The following BTN2A1 variants were observed in gnomAD, a reference collection of about 807,000 sequenced individuals.
BTN2A1 encodes the protein butyrophilin, subfamily 2, member A1.
In BTN2A1, 41 loss-of-function variants were observed where a neutral mutation model predicts 34.5. The observed-to-expected ratio is 1.19, with a 90% confidence interval of 0.93 to 1.54. The LOEUF (loss-of-function observed/expected upper bound fraction) is 1.54. Ranked by LOEUF, BTN2A1 falls within the 40% of genes most tolerant of loss-of-function variation. The pLI is 0.00. For missense variants in BTN2A1, 642 were observed against 662.0 expected, an observed-to-expected ratio of 0.97 and a Z score of 0.33; for synonymous variants, 267 against 258.6, an observed-to-expected ratio of 1.03 and a Z score of -0.31.
intron 7 of BTN2A1, chr6:26,467,730 T>C: frequency 3.1e-6 from 5 of 1,593,242 alleles, no homozygotes; most frequent in Non-Finnish European, 4.3e-6. Context: ...GCTCCAATTC[T>C]TCTCAAACTG....
chr6:26,474,818 C>T (rs1335533283), intron 7 of BTN2A1, among the ~76,000 whole-genome samples: 7 of 149,930 alleles, frequency 4.7e-5, no homozygotes, highest in South Asian at 4.2e-4. Context: ...GACACAATCT[C>T]GGCTCACTGC....
chr6:26,473,711 A>G (rs1763488422), downstream of BTN2A1, among the ~76,000 whole-genome samples: 1 of 152,186 alleles, frequency 6.6e-6, no homozygotes, highest in South Asian at 2.1e-4. Flanking sequence ...AGTTCTCCTG[A>G]TATTTCTGTT....
At chr6:26,466,398 C>G (rs1763318546) in intron 7 of BTN2A1, among the ~76,000 whole-genome samples, 2 of 152,126 alleles carry the variant, frequency 1.3e-5, no homozygotes, top group South Asian at 4.1e-4. Flanking sequence ...AGTTGTTGTT[C>G]TTTGATCCTG....
chr6:26,459,947 C>CCACAGGGACACTT, intron 3 of BTN2A1, 119 bp downstream of exon 3: 1 of 89,684 alleles, frequency 1.1e-5, no homozygotes, highest in Non-Finnish European at 2.0e-5. Context: ...CTTTTCCACT[C>CCACAGGGACACTT]TCCCTGTGGA....
chr6:26,465,988 T>G lies in BTN2A1; in HGVS notation c.955+15T>G, dbSNP rs536955053. 1.9e-5 allele frequency: 30 copies of G among 1,614,118 alleles called. No homozygotes were observed. Among genetic ancestry groups the G allele is most frequent in the Middle Eastern group, 1.6e-4 (1 of 6,082 alleles). On this transcript the variant is annotated intron_variant, in intron 6 of 7. Transcript: ENST00000312541. ...AGAAGAATTGCGTAAGTTTAGCCTT[T>G]CCTTAACTACATGTACAATTTGAGT...
At chr6:26,465,162 G>C (rs1763274437) in intron 4 of BTN2A1, 23 bp from the exon 5 acceptor site, 4 of 1,601,336 alleles carry the variant, frequency 2.5e-6, no homozygotes, top group Non-Finnish European at 3.4e-6. Flanking sequence ...AAACTAAGTG[G>C]ATATTTCTGG....
chr6:26,474,931 A>T (rs1159673001), intron 7 of BTN2A1, among the ~76,000 whole-genome samples: 1 of 151,816 alleles, frequency 6.6e-6, no homozygotes, highest in East Asian at 1.9e-4. Context: ...TGTATTTTTA[A>T]TAGAGACGGG....
rs140484480 is a variant in BTN2A1 at position 26,468,086 on chromosome 6, G to C, written c.1121G>C (p.Cys374Ser). ...DNPERFDSQP[C>S]VLGRESFASG... Reference sequence around the variant, plus strand: ...CCAGAGAGATTCGACAGTCAGCCTTGTGTCCTAGGCCGGGAGAGCTTCGCT... The same window carrying C: ...CCAGAGAGATTCGACAGTCAGCCTTCTGTCCTAGGCCGGGAGAGCTTCGCT... Residue 374 changes from cysteine (C) to serine (S), a missense_variant, in exon 8 of 8, where the codon TGT (cysteine) becomes TCT (serine). Coordinates refer to ENST00000312541, the MANE Select transcript of BTN2A1 (RefSeq NM_007049.5). 42 of 1,614,096 alleles carry C rather than the reference G, an allele frequency of 2.6e-5. No homozygotes were observed. The highest frequency in any genetic ancestry group is 1.0e-4 in the Admixed American group (6 of 60,012).
Position 26,465,379 on chromosome 6 carries a change from CAA to C in BTN2A1, c.911_912del (p.Lys304ArgfsTer25). The C allele has an allele frequency of 6.2e-7, 1 of 1,613,604 alleles. No homozygotes were observed. The highest frequency in any genetic ancestry group is 2.2e-5 in the East Asian group (1 of 44,868). ...ALKELEKERV[Q>X]KEEELQVKEK... Reference sequence around the variant, plus strand: ...AAAGGAACTGGAGAAAGAACGTGTGCAAAAAGAGGAAGAACTTCAAGTAAAAG... The same window carrying C: ...AAAGGAACTGGAGAAAGAACGTGTGCAAAGAGGAAGAACTTCAAGTAAAAG... On this transcript the variant is annotated frameshift_variant, in exon 5 of 8. Transcript: ENST00000312541. LOFTEE classifies it high-confidence loss of function.
At position 26,458,627 on chromosome 6, in the gene BTN2A1, C is replaced by A; in HGVS notation, c.-10C>A. The A allele has an allele frequency of 6.2e-7, 1 of 1,614,100 alleles. No homozygotes were observed. The highest frequency in any genetic ancestry group is 8.5e-7 in the Non-Finnish European group (1 of 1,179,982). On this transcript the variant is annotated 5_prime_UTR_variant, in exon 2 of 8. It adds an upstream start codon to the 5' untranslated region. Transcript: ENST00000312541. ...CCTAGGCCTCCTGTCCCTGCCTGCT[C>A]TGGGTGCTCATGGAATCAGCTGCTG...
At chr6:26,476,308 A>G in exon 8 of BTN2A1, 3 of 858,778 alleles carry the variant, frequency 3.5e-6, no homozygotes, top group Non-Finnish European at 5.8e-6. Flanking sequence ...TCTCCTGTCT[A>G]TTCATCAGCT....
At chr6:26,461,315 T>C (rs1763158647) in intron 3 of BTN2A1, among the ~76,000 whole-genome samples, 1 of 152,244 alleles carries the variant, frequency 6.6e-6, no homozygotes, top group South Asian at 2.1e-4. Flanking sequence ...TGTATTCTCT[T>C]TGTTAGGTTG....
chr6:26,461,844 A>G (rs1187722116), intron 3 of BTN2A1, among the ~76,000 whole-genome samples: 1 of 151,550 alleles, frequency 6.6e-6, no homozygotes, highest in Non-Finnish European at 1.5e-5. Flanking sequence ...GGCAAAATCC[A>G]GTCTCTACAA....
chr6:26,472,816 A>C (rs1436964934), downstream of BTN2A1, among the ~76,000 whole-genome samples: 1 of 152,212 alleles, frequency 6.6e-6, no homozygotes. Context: ...AACAGCTCTC[A>C]GCAGAGAGGG....
Position 26,463,378 on chromosome 6 carries a change from C to G in BTN2A1, c.565C>G (p.Leu189Val), listed in dbSNP as rs747740277. The G allele has an allele frequency of 1.2e-6, 2 of 1,614,124 alleles. No individual in the cohort carries two copies. Among genetic ancestry groups the G allele is most frequent in the South Asian group, 2.2e-5 (2 of 91,080 alleles). The stretch of plus-strand genomic sequence containing the variant: ...CCCCTACGGTGGGGTTGCGCCTGCC[C>G]TGAAAGAGGTCTCCATGCCTGATGC... The part of the protein sequence containing the change: ...RDPYGGVAPA[L>V]KEVSMPDADG... Residue 189 changes from leucine to valine, a missense_variant, in exon 4 of 8, where the codon CTG becomes GTG. Physicochemically the swap from Leu to Val is conservative, Grantham distance 32. Transcript: ENST00000312541.
chr6:26,465,059 T>A, intron 4 of BTN2A1, 126 bp from the exon 5 acceptor site: 1 of 790,184 alleles, frequency 1.3e-6, no homozygotes. Flanking sequence ...TTTCTCCATC[T>A]GAGTTTTCTG....
chr6:26,466,371 A>G (rs1763317857), intron 7 of BTN2A1, among the ~76,000 whole-genome samples: 1 of 152,178 alleles, frequency 6.6e-6, no homozygotes, highest in Non-Finnish European at 1.5e-5. Flanking sequence ...TAGCCTTCCT[A>G]AGAGTTACAT....
Position 26,468,926 on chromosome 6 carries a change from A to G in BTN2A1, c.*377A>G, listed in dbSNP as rs1763399860. On this transcript the variant is annotated 3_prime_UTR_variant, in exon 8 of 8. Transcript: ENST00000312541. ...AAGATATGGACTTGGAATGAGGCCT[A>G]CAGGGTTCACCAGGATGTAAGAGGA... 2.4e-6 allele frequency: 3 copies of G among 1,258,774 alleles called. No homozygotes were observed. Among genetic ancestry groups the G allele is most frequent in the African/African-American group, 1.5e-5 (1 of 65,164 alleles). The allele number at this position is 1,258,774 out of a possible 1,614,324, so 78.0% of individuals were successfully genotyped here.
chr6:26,458,332 G>T (rs1356800175), intron 1 of BTN2A1, among the ~76,000 whole-genome samples, 190 bp downstream of exon 1: 1 of 152,146 alleles, frequency 6.6e-6, no homozygotes, highest in Admixed American at 6.6e-5. Context: ...AGGGAGGAGG[G>T]TGTGGTAGAA....
Sources: allele counts gnomAD v4.1 joint callset (sites outside exome capture counted in the v4.1 genomes callset), GRCh38; gene constraint gnomAD v4.1.1; transcripts MANE v1.5; gene names NCBI Gene and HGNC (gene_info 2026-07-23, HGNC 2026-07-21).